FGD6: variants seen among roughly 807,000 people sequenced by gnomAD.
FGD6 encodes FYVE, RhoGEF and PH domain-containing protein 6.
In FGD6, 90 loss-of-function variants were observed where a neutral mutation model predicts 149.4. The ratio of observed to expected loss-of-function variants is 0.60; its 90% CI spans 0.51 to 0.72. The LOEUF (loss-of-function observed/expected upper bound fraction) is 0.72. Ranked by LOEUF, FGD6 falls within the 30% of genes least tolerant of loss-of-function variation. FGD6 has a pLI of 0.00. For missense variants in FGD6, 1,437 were observed against 1,684.8 expected (o/e 0.85, Z 2.57); for synonymous variants, 527 against 584.0 (o/e 0.90, Z 1.41).
chr12:95,181,193 C>T (rs1253941039), intron 2 of FGD6, among the ~76,000 whole-genome samples: 2 of 152,142 alleles, frequency 1.3e-5, no homozygotes, highest in African/African-American at 2.4e-5. Context: ...GAGGGATGTT[C>T]AACAGCCTGC....
At chr12:95,157,304 C>G (rs151061151) in intron 3 of FGD6, among the ~76,000 whole-genome samples, 1 of 152,138 alleles carries the variant, frequency 6.6e-6, no homozygotes, top group Admixed American at 6.6e-5. Flanking sequence ...CGGTGGCTGA[C>G]GCCTGTAATC....
chr12:95,176,239 A>G (rs1881129400), intron 2 of FGD6, among the ~76,000 whole-genome samples: 1 of 152,112 alleles, frequency 6.6e-6, no homozygotes, highest in Non-Finnish European at 1.5e-5. Flanking sequence ...TATGCAGCCA[A>G]TTTTAGATTT....
chr12:95,124,636 T>C (rs1397107295), intron 8 of FGD6, among the ~76,000 whole-genome samples: 1 of 152,096 alleles, frequency 6.6e-6, no homozygotes, highest in South Asian at 2.1e-4. Context: ...GCACTTAGAA[T>C]TGGAAAAAGA....
chr12:95,216,742 C>T (rs2056805602), intron 1 of FGD6, among the ~76,000 whole-genome samples: 1 of 150,474 alleles, frequency 6.6e-6, no homozygotes, highest in Non-Finnish European at 1.5e-5. Flanking sequence ...GTAAAACCAC[C>T]AGGACATGAC....
chr12:95,085,184 G>A (rs955005450), intron 19 of FGD6, among the ~76,000 whole-genome samples: 1 of 150,070 alleles, frequency 6.7e-6, no homozygotes, highest in Admixed American at 6.6e-5. Flanking sequence ...TCACTCAAGA[G>A]AGCTTGGCAG....
At chr12:95,087,540 A>C (rs1877920526) in intron 18 of FGD6, among the ~76,000 whole-genome samples, 1 of 152,250 alleles carries the variant, frequency 6.6e-6, no homozygotes, top group African/African-American at 2.4e-5. Context: ...TGCAAGTACA[A>C]GGAAATGAAT....
At chr12:95,147,264 A>C (rs1268872062) in intron 5 of FGD6, among the ~76,000 whole-genome samples, 1 of 152,118 alleles carries the variant, frequency 6.6e-6, no homozygotes, top group African/African-American at 2.4e-5. Flanking sequence ...TAACCATTTG[A>C]CTTTGTTTTT....
chr12:95,113,571 G>A, intron 9 of FGD6, 80 bp downstream of exon 9: 2 of 1,102,234 alleles, frequency 1.8e-6, no homozygotes, highest in Non-Finnish European at 2.7e-6. Context: ...AATGGATTTT[G>A]TTATCAATAT....
chr12:95,153,756 A>G (rs1880375583), intron 3 of FGD6, among the ~76,000 whole-genome samples: 1 of 152,230 alleles, frequency 6.6e-6, no homozygotes, highest in Admixed American at 6.5e-5. Flanking sequence ...ATTTTAACTC[A>G]CAACTTAAAT....
chr12:95,200,200 T>A (rs1881835387), intron 2 of FGD6, among the ~76,000 whole-genome samples: 1 of 152,088 alleles, frequency 6.6e-6, no homozygotes, highest in Non-Finnish European at 1.5e-5. Context: ...CTTCAAAAAA[T>A]AAATGATCTA....
At chr12:95,190,331 G>A (rs550272440) in intron 2 of FGD6, among the ~76,000 whole-genome samples, 3 of 151,988 alleles carry the variant, frequency 2.0e-5, no homozygotes, top group Non-Finnish European at 2.9e-5. Context: ...CACTGCGCCC[G>A]GCTACTTTTT....
intron 8 of FGD6, among the ~76,000 whole-genome samples, chr12:95,130,506 G>T (rs186427171): frequency 1.3e-5 from 2 of 152,220 alleles, no homozygotes; most frequent in Admixed American, 1.3e-4. Context: ...GTTGTTGGAG[G>T]ATTAAATCAT....
At chr12:95,104,969 GAGAAA>G in intron 14 of FGD6, 33 bp downstream of exon 14, 1 of 1,250,104 alleles carries the variant, frequency 8.0e-7, no homozygotes, top group Non-Finnish European at 1.0e-6. Context: ...GACTCAGAAT[GAGAAA>G]AAAAAAAAAA....
In FGD6 at chr12:95,085,888, A is replaced by G; in HGVS notation, c.3999T>C (p.Asp1333=). Residue 1333 remains aspartate, a synonymous_variant, in exon 19 of 21, where the codon GAT becomes GAC. Transcript: ENST00000343958. ...ALKEVSANTE[D]SSMSGYLYRS... is the part of the protein sequence containing the mutation. ...TGTACAAGTAGCCACTCATAGAAGA[A>G]TCCTCTGTGTTTGCTGATACCTAGA... 6.2e-7 allele frequency: 1 copy of G among 1,610,002 alleles called. No individual in the cohort carries two copies. The highest frequency in any genetic ancestry group is 1.3e-5 in the African/African-American group (1 of 74,894).
chr12:95,165,298 C>T (rs2136279782), intron 3 of FGD6, among the ~76,000 whole-genome samples: 1 of 151,622 alleles, frequency 6.6e-6, no homozygotes, highest in Non-Finnish European at 1.5e-5. Flanking sequence ...TGAAGAAAAA[C>T]AGTACCTATG....
intron 14 of FGD6, among the ~76,000 whole-genome samples, chr12:95,097,701 G>A (rs1291819239): frequency 8.6e-5 from 13 of 150,344 alleles, no homozygotes; most frequent in Admixed American, 8.6e-4. Flanking sequence ...ACTGCAGGAT[G>A]CTTCTCTGAG....
chr12:95,193,455 T>C (rs1340136879), intron 2 of FGD6, among the ~76,000 whole-genome samples: 3 of 151,790 alleles, frequency 2.0e-5, no homozygotes, highest in Non-Finnish European at 4.4e-5. Flanking sequence ...CCTCCTGGGT[T>C]CAAGCAATTC....
At chr12:95,187,663 CAAA>C (rs994279044) in intron 2 of FGD6, among the ~76,000 whole-genome samples, 3 of 137,244 alleles carry the variant, frequency 2.2e-5, no homozygotes, top group African/African-American at 5.4e-5. Flanking sequence ...AAAAAAAAAA[CAAA>C]AAAAAAAAAG....
intron 2 of FGD6, among the ~76,000 whole-genome samples, chr12:95,187,652 C>CCAAAA (rs1555222014): frequency 2.8e-5 from 3 of 106,688 alleles, no homozygotes; most frequent in South Asian, 3.1e-4. Context: ...GCTGCGTCCC[C>CCAAAA]AAAAAAAAAA....
Sources: gnomAD v4.1 joint callset for allele counts (sites outside exome capture counted in the v4.1 genomes callset) on GRCh38, gnomAD v4.1.1 for gene constraint, MANE v1.5 for transcripts, NCBI Gene and HGNC (gene_info 2026-07-23, HGNC 2026-07-21) for gene names.